The following IMMP2L variants were observed in gnomAD, a reference collection of about 807,000 sequenced individuals.
IMMP2L encodes the protein mitochondrial inner membrane protease subunit 2.
IMMP2L carries 18 observed loss-of-function variants against 19.3 expected under a neutral mutation model. That is an observed-to-expected ratio of 0.93 (90% CI 0.64 to 1.38). The LOEUF is 1.38. Among genes scored for constraint, IMMP2L ranks in the 40% most tolerant of loss-of-function variants. IMMP2L has a pLI of 0.00. For missense variants in IMMP2L, 233 were observed against 218.2 expected, an observed-to-expected ratio of 1.07 and a Z score of -0.43; for synonymous variants, 76 against 73.0, an observed-to-expected ratio of 1.04 and a Z score of -0.21.
chr7:111,499,778 G>C (rs1185885549), intron 2 of IMMP2L, among the ~76,000 whole-genome samples: 3 of 152,132 alleles, frequency 2.0e-5, no homozygotes, highest in Admixed American at 1.3e-4. Context: ...ATGGCTCTTA[G>C]CTCTGCCCTC....
intron 1 of IMMP2L, among the ~76,000 whole-genome samples, chr7:111,534,971 C>T (rs1847751399): frequency 6.6e-6 from 1 of 152,122 alleles, no homozygotes; most frequent in African/African-American, 2.4e-5. Context: ...TAAGGACCTA[C>T]AACAAAGGAA....
intron 3 of IMMP2L, among the ~76,000 whole-genome samples, chr7:111,230,040 T>C (rs1448968920): frequency 6.6e-6 from 1 of 152,062 alleles, no homozygotes; most frequent in Non-Finnish European, 1.5e-5. Flanking sequence ...TTTGCAAGCT[T>C]TGATAAATTC....
chr7:110,798,843 C>A (rs1801048693), intron 5 of IMMP2L, among the ~76,000 whole-genome samples: 1 of 151,764 alleles, frequency 6.6e-6, no homozygotes, highest in Non-Finnish European at 1.5e-5. Context: ...GAGAAATTTA[C>A]ATATAGAAAC....
chr7:110,828,903 A>G (rs1803725452), intron 5 of IMMP2L, among the ~76,000 whole-genome samples: 1 of 152,190 alleles, frequency 6.6e-6, no homozygotes, highest in South Asian at 2.1e-4. Context: ...GGCCTAAATG[A>G]TATTTCTGAA....
At chr7:110,792,954 T>G (rs1462992627) in intron 5 of IMMP2L, among the ~76,000 whole-genome samples, 1 of 152,176 alleles carries the variant, frequency 6.6e-6, no homozygotes, top group East Asian at 1.9e-4. Context: ...GGGGGCATTG[T>G]GCTATACGAA....
chr7:111,145,068 T>C (rs967125366), intron 3 of IMMP2L, among the ~76,000 whole-genome samples: 7 of 151,498 alleles, frequency 4.6e-5, no homozygotes, highest in African/African-American at 1.7e-4. Flanking sequence ...TTGTGTAGAG[T>C]TTGGGAAAAG....
intron 3 of IMMP2L, among the ~76,000 whole-genome samples, chr7:111,372,938 A>C (rs1271402910): frequency 6.6e-6 from 1 of 152,016 alleles, no homozygotes; most frequent in Admixed American, 6.6e-5. Flanking sequence ...ATTAGGGTAA[A>C]AGTGAACATA....
At chr7:110,664,913 A>C (rs1255171063) in intron 5 of IMMP2L, 1 of 152,168 alleles carries the variant, frequency 6.6e-6, no homozygotes, top group African/African-American at 2.4e-5. Context: ...TCTATTTGCT[A>C]TCACATGAAT....
At chr7:111,545,730 T>C (rs1318430841) in intron 1 of IMMP2L, among the ~76,000 whole-genome samples, 1 of 152,174 alleles carries the variant, frequency 6.6e-6, no homozygotes, top group Non-Finnish European at 1.5e-5. Context: ...TTCCCTAATT[T>C]CTCAGAGTTG....
At chr7:110,825,036 T>C (rs888282143) in intron 5 of IMMP2L, among the ~76,000 whole-genome samples, 13 of 152,214 alleles carry the variant, frequency 8.5e-5, no homozygotes, top group African/African-American at 2.6e-4. Flanking sequence ...AGCACTCTTA[T>C]ACACCAGTAA....
At chr7:111,183,000 T>A (rs894879524) in intron 3 of IMMP2L, among the ~76,000 whole-genome samples, 1 of 152,094 alleles carries the variant, frequency 6.6e-6, no homozygotes, top group Non-Finnish European at 1.5e-5. Flanking sequence ...AGCTTTTATA[T>A]TCATGATCAT....
At chr7:111,226,721 A>AT (rs1813147591) in intron 3 of IMMP2L, among the ~76,000 whole-genome samples, 1 of 152,136 alleles carries the variant, frequency 6.6e-6, no homozygotes, top group Non-Finnish European at 1.5e-5. Flanking sequence ...TCTGGCAACA[A>AT]TAACAACAAA....
At chr7:110,670,026 G>C (rs1187086763) in intron 5 of IMMP2L, among the ~76,000 whole-genome samples, 1 of 152,142 alleles carries the variant, frequency 6.6e-6, no homozygotes, top group East Asian at 1.9e-4. Context: ...AACTTTATAT[G>C]TTGAAGTCTT....
intron 3 of IMMP2L, among the ~76,000 whole-genome samples, chr7:111,039,928 G>A (rs576226948): frequency 6.6e-6 from 1 of 152,164 alleles, no homozygotes; most frequent in Non-Finnish European, 1.5e-5. Flanking sequence ...CACTTTGGGA[G>A]GCCGAGGCGG....
intron 3 of IMMP2L, among the ~76,000 whole-genome samples, chr7:111,291,589 T>C (rs944160393): frequency 6.6e-6 from 1 of 152,128 alleles, no homozygotes; most frequent in Non-Finnish European, 1.5e-5. Context: ...CAAAATATAA[T>C]GATGGTTATC....
chr7:111,130,762 G>C (rs543285547), intron 3 of IMMP2L, among the ~76,000 whole-genome samples: 19 of 152,040 alleles, frequency 1.2e-4, no homozygotes, highest in African/African-American at 4.6e-4. Context: ...ACACCCAAAT[G>C]GTCTTTCAAA....
intron 3 of IMMP2L, among the ~76,000 whole-genome samples, chr7:111,147,687 C>T (rs1803627452): frequency 1.3e-5 from 2 of 152,078 alleles, no homozygotes; most frequent in Admixed American, 6.6e-5. Context: ...CCTCCATAGA[C>T]AGACTGTTTT....
chr7:111,221,468 T>C (rs1168712315), intron 3 of IMMP2L, among the ~76,000 whole-genome samples: 8 of 151,938 alleles, frequency 5.3e-5, no homozygotes, highest in Non-Finnish European at 1.2e-4. Flanking sequence ...AGACTTCCTA[T>C]AGACAAGTAA....
At chr7:111,501,657 G>A (rs1478089933) in intron 2 of IMMP2L, among the ~76,000 whole-genome samples, 1 of 152,120 alleles carries the variant, frequency 6.6e-6, no homozygotes, top group Non-Finnish European at 1.5e-5. Flanking sequence ...GAAGAGAGTG[G>A]GGGCCAATAT....
Sources: gnomAD v4.1 joint callset for allele counts (sites outside exome capture counted in the v4.1 genomes callset) on GRCh38, gnomAD v4.1.1 for gene constraint, MANE v1.5 for transcripts, NCBI Gene and HGNC (gene_info 2026-07-23, HGNC 2026-07-21) for gene names.